KDM4A: variants seen among roughly 807,000 people sequenced by gnomAD.
KDM4A encodes lysine-specific demethylase 4A.
Under a neutral mutation model 127.1 loss-of-function variants are expected in KDM4A, and 23 were observed. The observed-to-expected ratio is 0.18, with a 90% CI of 0.13 to 0.26. The LOEUF is 0.26. Ranked by LOEUF, KDM4A falls within the 10% of genes least tolerant of loss-of-function variation. The pLI, the probability that KDM4A is intolerant of heterozygous loss-of-function variation, is 1.00. For missense variants in KDM4A, 890 were observed against 1,329.1 expected (o/e 0.67, Z 5.14); for synonymous variants, 443 against 466.5 (o/e 0.95, Z 0.65).
chr1:43,655,618 C>T lies in KDM4A; in HGVS notation c.166C>T (p.Arg56Ter). ...KVVPPKEWKPRASYDDIDDLV... is the reference protein window; with the variant it reads ...KVVPPKEWKP ...TGTTCCTCCAAAAGAGTGGAAGCCA[C>T]GAGCATCCTATGATGACATTGATGA... The change falls in exon 3 of 22, where the codon CGA becomes TGA. Residue 56 changes from arginine to a stop codon, truncating the protein, a stop_gained. Transcript: ENST00000372396. LOFTEE classifies it high-confidence loss of function. 6.2e-7 allele frequency: 1 copy of T among 1,610,890 alleles called. No homozygotes were observed. The highest frequency in any genetic ancestry group is 8.5e-7 in the Non-Finnish European group (1 of 1,178,978).
chr1:43,653,312 A>G lies in KDM4A; in HGVS notation c.137A>G (p.Lys46Arg). Residue 46 changes from lysine to arginine, a missense_variant and splice_region_variant, in exon 2 of 22, where the codon AAG (lysine) becomes AGG (arginine). Lys to Arg is a conservative substitution (Grantham distance 26). This residue lies in a region of KDM4A where 29 missense variants were observed against 64.3 expected (regional missense o/e 0.45). Transcript: ENST00000372396. ...GGAGCTCATCGGGCAGGGCTAGCCA[A>G]GGTAAGGAGCTGGGATTGTTCAAAT... ...SQGAHRAGLA[K>R]VVPPKEWKPR... 1 of 1,610,122 alleles carries G rather than the reference A, an allele frequency of 6.2e-7. No homozygotes were observed. The highest frequency in any genetic ancestry group is 2.2e-5 in the East Asian group (1 of 44,778).
intron 5 of KDM4A, among the ~76,000 whole-genome samples, chr1:43,663,739 T>G (rs143065414): frequency 2.3e-4 from 35 of 152,228 alleles, no homozygotes; most frequent in African/African-American, 8.4e-4. Flanking sequence ...TCCTTCTACT[T>G]CAGCCTCCCA....
chr1:43,665,762 G>C lies in KDM4A; in HGVS notation c.673+17G>C. ...TCGCCAAAGGTACTGTGTCTCTTCT[G>C]TTTGCTGGATTGGACCCTCCTATGA... is the stretch of plus-strand genomic sequence containing the variant. On this transcript the variant is annotated intron_variant, in intron 6 of 21. Coordinates refer to ENST00000372396, the MANE Select transcript of KDM4A (RefSeq NM_014663.3). 6.2e-7 allele frequency: 1 copy of C among 1,613,824 alleles called. No homozygotes were observed. Among genetic ancestry groups the C allele is most frequent in the Admixed American group, 1.7e-5 (1 of 60,012 alleles).
chr1:43,680,045 T>C (rs1660823984), intron 11 of KDM4A, among the ~76,000 whole-genome samples: 3 of 152,178 alleles, frequency 2.0e-5, no homozygotes. Context: ...CTTTCTGTTA[T>C]ATACTGAGGG....
chr1:43,676,747 G>T (rs1310951783), intron 11 of KDM4A, among the ~76,000 whole-genome samples: 3 of 152,010 alleles, frequency 2.0e-5, no homozygotes, highest in African/African-American at 4.8e-5. Flanking sequence ...ACATATTTTT[G>T]GGGTACATGT....
At chr1:43,668,589 A>G (rs1426802494) in intron 9 of KDM4A, among the ~76,000 whole-genome samples, 1 of 152,156 alleles carries the variant, frequency 6.6e-6, no homozygotes, top group East Asian at 1.9e-4. Context: ...GGTCGGGGGC[A>G]TTTATGTGCG....
chr1:43,674,859 C>T (rs770698727), intron 11 of KDM4A, among the ~76,000 whole-genome samples: 3 of 152,078 alleles, frequency 2.0e-5, no homozygotes, highest in Non-Finnish European at 2.9e-5. Flanking sequence ...AAAGCATTTC[C>T]ATGGAAGCAC....
In KDM4A at chr1:43,703,727, A is replaced by G; in HGVS notation, c.2952A>G (p.Gln984=). The change falls in exon 20 of 22, where the codon CAA becomes CAG. Residue 984 remains glutamine (Q), a synonymous_variant. Transcript: ENST00000372396. The part of the protein sequence containing the change: ...GAKFVASHPI[Q]MYQVEFEDGS... ...AGTTTGTGGCCTCCCACCCTATCCA[A>G]ATGTACCAGGTATCCAAAGTTCTAC... 1 of 1,614,088 alleles carries G rather than the reference A, an allele frequency of 6.2e-7. No homozygotes were observed. Among genetic ancestry groups the G allele is most frequent in the Non-Finnish European group, 8.5e-7 (1 of 1,179,996 alleles).
chr1:43,691,620 T>G, intron 15 of KDM4A, 48 bp downstream of exon 15: 1 of 1,488,432 alleles, frequency 6.7e-7, no homozygotes, highest in Non-Finnish European at 9.4e-7. Context: ...TCTTGGTGCA[T>G]ATTCAGGGCC....
At chr1:43,650,297 G>A (rs1436013334) in intron 1 of KDM4A, 45 bp downstream of exon 1, 2 of 145,958 alleles carry the variant, frequency 1.4e-5, no homozygotes, top group African/African-American at 5.0e-5. Flanking sequence ...CATTGCCGCT[G>A]TAGCAGTGAC....
Position 43,663,091 on chromosome 1 carries a change from C to T in KDM4A, c.623+4C>T, listed in dbSNP as rs1660421110. 3 of 1,610,212 alleles carry T rather than the reference C, an allele frequency of 1.9e-6. No homozygotes were observed. Among genetic ancestry groups the T allele is most frequent in the Non-Finnish European group, 2.5e-6 (3 of 1,177,726 alleles). On this transcript the variant is annotated splice_donor_region_variant and intron_variant, in intron 5 of 21. Transcript: ENST00000372396. ...ACTTTGGAGAACCAAAGTCCTGGTA[C>T]AGTCTGCCTGCAGTCGGCACCGGGC...
chr1:43,660,087 T>C lies in KDM4A; in HGVS notation c.315-211T>C, dbSNP rs186089006. Among the ~76,000 whole-genome samples, 21 of 152,334 alleles carry C rather than the reference T, an allele frequency of 1.4e-4. 1 individual carries two copies. The East Asian group carries it at 4.0e-3, about 29-fold the overall frequency. On this transcript the variant is annotated intron_variant, in intron 3 of 21. Coordinates refer to ENST00000372396, the MANE Select transcript of KDM4A (RefSeq NM_014663.3). ...AGGAAGACCGGTTTACATCTGTGTG[T>C]ACATTACCTTCCTCAGGCTTCCTCA... is the stretch of plus-strand genomic sequence containing the variant.
intron 19 of KDM4A, among the ~76,000 whole-genome samples, chr1:43,701,542 T>G (rs1661394080): frequency 6.6e-6 from 1 of 152,236 alleles, no homozygotes; most frequent in Non-Finnish European, 1.5e-5. Context: ...GCACCACTGC[T>G]GGAGTGCAGT....
At position 43,667,951 on chromosome 1, in the gene KDM4A, CGAG is replaced by C; in HGVS notation, c.1102_1104del (p.Glu368del). 6.2e-7 allele frequency: 1 copy of C among 1,614,006 alleles called. No individual in the cohort carries two copies. The highest frequency in any genetic ancestry group is 8.5e-7 in the Non-Finnish European group (1 of 1,179,998). The stretch of plus-strand genomic sequence containing the variant: ...GTGAACTGCCTCCAAGAGCTGGCAA[CGAG>C]GAGGAGTGCCCAGAGGAGGACATGG... On this transcript the variant is annotated inframe_deletion, in exon 9 of 22. Coordinates refer to ENST00000372396, the MANE Select transcript of KDM4A (RefSeq NM_014663.3).
Position 43,691,642 on chromosome 1 carries a change from T to C in KDM4A, c.2319+70T>C, listed in dbSNP as rs535342889. On this transcript the variant is annotated intron_variant, in intron 15 of 21. Transcript: ENST00000372396. ...GCATATTCAGGGCCAGACGATTTCA[T>C]GTTGGACTCAGTATTCCCAGCAGTC... is the stretch of plus-strand genomic sequence containing the variant. 87 of 1,340,886 alleles carry C rather than the reference T, an allele frequency of 6.5e-5. 1 individual carries two copies. In the East Asian group the frequency reaches 1.9e-3, roughly 30 times the overall value. 83.1% of individuals were successfully genotyped at this position (1,340,886 alleles called of 1,614,324 possible). A position where few individuals can be genotyped will look rare whatever the true frequency, so the allele number is the denominator to read the frequency against.
At chr1:43,698,156 T>C in intron 19 of KDM4A, 143 bp downstream of exon 19, 2 of 755,584 alleles carry the variant, frequency 2.6e-6, no homozygotes, top group Non-Finnish European at 4.1e-6. Flanking sequence ...AAGAATCATC[T>C]GTACCAGTCT....
rs1175896992 is a variant in KDM4A, at chr1:43,704,643, AG to A, written c.*277del. The A allele has an allele frequency of 8.9e-6, 4 of 449,568 alleles. No homozygotes were observed. The highest frequency in any genetic ancestry group is 1.6e-5 in the Non-Finnish European group (4 of 250,184). The allele number at this position is 449,568 out of a possible 1,614,324, so 27.8% of individuals were successfully genotyped here. ...TGGCTGCACTGGCCCCAGTCCATAG[AG>A]GGGTCAACTATGCTGGCTGGACTGG... On this transcript the variant is annotated 3_prime_UTR_variant, in exon 22 of 22. Transcript: ENST00000372396.
At chr1:43,695,576 C>G (rs1475936376) in intron 18 of KDM4A, among the ~76,000 whole-genome samples, 1 of 152,222 alleles carries the variant, frequency 6.6e-6, no homozygotes, top group African/African-American at 2.4e-5. Context: ...TGCACTGCCA[C>G]TCTCAGGACT....
At chr1:43,656,503 A>G (rs906431382) in intron 3 of KDM4A, among the ~76,000 whole-genome samples, 1 of 149,626 alleles carries the variant, frequency 6.7e-6, no homozygotes, top group Non-Finnish European at 1.5e-5. Context: ...ATGCTTGGCT[A>G]TTTTTTGTAT....
Sources: gnomAD v4.1 joint callset for allele counts (sites outside exome capture counted in the v4.1 genomes callset) on GRCh38, gnomAD v4.1.1 for gene constraint, gnomAD v4.1.1 regional missense constraint, MANE v1.5 for transcripts, NCBI Gene and HGNC (gene_info 2026-07-23, HGNC 2026-07-21) for gene names.